The following ZNF438 variants were observed in gnomAD, a reference collection of about 807,000 sequenced individuals.
ZNF438 encodes zinc finger protein 438.
A neutral mutation model predicts 38.0 loss-of-function variants in ZNF438; 25 were observed. The ratio of observed to expected loss-of-function variants is 0.66; its 90% CI spans 0.48 to 0.92. The LOEUF is 0.92. Ranked by LOEUF, ZNF438 falls within the 40% of genes least tolerant of loss-of-function variation. ZNF438 has a pLI of 0.00. For synonymous variants in ZNF438, 372 were observed against 364.1 expected (o/e 1.02, Z -0.25); for missense variants, 1,007 against 999.6 (o/e 1.01, Z -0.10).
intron 1 of ZNF438, among the ~76,000 whole-genome samples, chr10:30,972,299 C>CT (rs1410923858): frequency 6.6e-6 from 1 of 152,142 alleles, no homozygotes; most frequent in African/African-American, 2.4e-5. Flanking sequence ...AAAAGTTTAC[C>CT]TATTTGAAAT....
At chr10:30,946,062 C>T (rs1288874751) in intron 1 of ZNF438, among the ~76,000 whole-genome samples, 26 of 147,474 alleles carry the variant, frequency 1.8e-4, no homozygotes, top group African/African-American at 5.3e-4. Context: ...TCTCCAGCAC[C>T]TGTTGTTTCC....
intron 1 of ZNF438, among the ~76,000 whole-genome samples, chr10:30,963,412 A>T (rs973973165): frequency 2.2e-5 from 3 of 135,856 alleles, no homozygotes; most frequent in Admixed American, 7.3e-5. Context: ...AAAAAAAAAA[A>T]AGAAACTTTA....
chr10:30,938,767 G>A (rs1564685825), intron 2 of ZNF438, among the ~76,000 whole-genome samples: 1 of 145,560 alleles, frequency 6.9e-6, no homozygotes, highest in Non-Finnish European at 1.5e-5. Flanking sequence ...AGACTTCCCA[G>A]GGAAGCAAAC....
At chr10:30,919,329 C>T (rs1363104885) in intron 2 of ZNF438, 1 of 152,096 alleles carries the variant, frequency 6.6e-6, no homozygotes, top group Non-Finnish European at 1.5e-5. Context: ...CTTTTTGCTT[C>T]CCCTTTGAAG....
intron 1 of ZNF438, among the ~76,000 whole-genome samples, chr10:30,993,956 G>A (rs750577484): frequency 4.6e-5 from 7 of 152,198 alleles, no homozygotes; most frequent in Admixed American, 1.3e-4. Context: ...TTGGGTTTTC[G>A]TTTTACATGG....
intron 2 of ZNF438, among the ~76,000 whole-genome samples, chr10:30,910,706 G>T (rs1014665406): frequency 1.6e-5 from 2 of 127,754 alleles, no homozygotes; most frequent in Non-Finnish European, 3.3e-5. Context: ...AAAAAAAGCC[G>T]CCTATATTTA....
In ZNF438 at chr10:30,966,422, G is replaced by A. The variant is rs145886965; in HGVS notation, c.-191-24771C>T. Reference sequence around the variant, plus strand: ...GTGGTGGCTCATGCTTGTAATCCCAGCACTTTAGAAGGCCGAGGCGGGTGG... The same window carrying A: ...GTGGTGGCTCATGCTTGTAATCCCAACACTTTAGAAGGCCGAGGCGGGTGG... On this transcript the variant is annotated intron_variant, in intron 1 of 5. Transcript: ENST00000413025. Among the ~76,000 whole-genome samples the A allele has an allele frequency of 2.7e-3, 418 of 152,198 alleles. 2 individuals carry two copies. The highest frequency in any genetic ancestry group is 8.0e-3 in the Admixed American group (122 of 15,286).
At chr10:30,906,307 T>C (rs1420217490) in intron 3 of ZNF438, among the ~76,000 whole-genome samples, 1 of 152,228 alleles carries the variant, frequency 6.6e-6, no homozygotes, top group Non-Finnish European at 1.5e-5. Context: ...TTCCTGCGTA[T>C]TCTGTTTAAT....
At chr10:30,977,599 A>G (rs1374083295) in intron 1 of ZNF438, among the ~76,000 whole-genome samples, 1 of 152,204 alleles carries the variant, frequency 6.6e-6, no homozygotes, top group Non-Finnish European at 1.5e-5. Flanking sequence ...TCACACAGCC[A>G]CATGTTGCTG....
At chr10:30,848,735 T>C in exon 5 of ZNF438, 2 of 1,614,032 alleles carry the variant, frequency 1.2e-6, no homozygotes, top group Non-Finnish European at 1.7e-6. Flanking sequence ...CTCACCATGA[T>C]GAAGTTTCAT....
intron 1 of ZNF438, among the ~76,000 whole-genome samples, chr10:30,958,611 C>T (rs75133870): frequency 0.092 from 13,534 of 146,594 alleles, 2,237 homozygotes; most frequent in Non-Finnish European, 0.13. Flanking sequence ...AGTTCAATGA[C>T]GTTTTAGTCC....
chr10:30,914,007 C>A (rs189076498), intron 2 of ZNF438, among the ~76,000 whole-genome samples: 2 of 152,150 alleles, frequency 1.3e-5, no homozygotes, highest in African/African-American at 2.4e-5. Flanking sequence ...GTCCTAAACA[C>A]GTTTTAAACT....
intron 2 of ZNF438, among the ~76,000 whole-genome samples, chr10:30,931,464 T>C (rs1035657133): frequency 6.6e-6 from 1 of 152,228 alleles, no homozygotes; most frequent in African/African-American, 2.4e-5. Context: ...AATGTTCCAA[T>C]TACTAATACT....
intron 1 of ZNF438, among the ~76,000 whole-genome samples, chr10:30,968,141 G>A (rs1236319244): frequency 1.3e-5 from 2 of 152,124 alleles, no homozygotes; most frequent in African/African-American, 4.8e-5. Context: ...ACCCAACAGT[G>A]CCCTAAGTAA....
At chr10:30,914,156 T>C (rs12251809) in intron 2 of ZNF438, among the ~76,000 whole-genome samples, 11,470 of 152,154 alleles carry the variant, frequency 0.075, 460 homozygotes, top group African/African-American at 0.11. Context: ...AAGGAAATAA[T>C]ATTAATTTCG....
chr10:30,896,382 A>T (rs1222186212), intron 3 of ZNF438, among the ~76,000 whole-genome samples: 1 of 152,150 alleles, frequency 6.6e-6, no homozygotes, highest in Non-Finnish European at 1.5e-5. Flanking sequence ...CATTTTTCAT[A>T]GTAGCCAAGA....
intron 3 of ZNF438, among the ~76,000 whole-genome samples, chr10:30,904,580 C>T (rs1246037451): frequency 6.6e-6 from 1 of 152,150 alleles, no homozygotes; most frequent in African/African-American, 2.4e-5. Context: ...GAATGTGTCA[C>T]CCCAGACTGA....
intron 4 of ZNF438, among the ~76,000 whole-genome samples, chr10:30,862,875 G>A (rs1000541727): frequency 5.3e-5 from 8 of 152,138 alleles, no homozygotes; most frequent in African/African-American, 1.7e-4. Flanking sequence ...CAAAGATATC[G>A]CTTTTATACT....
At chr10:30,941,124 T>G (rs1218628359) in intron 2 of ZNF438, among the ~76,000 whole-genome samples, 1 of 152,066 alleles carries the variant, frequency 6.6e-6, no homozygotes, top group East Asian at 1.9e-4. Flanking sequence ...CAGGCTGGAC[T>G]GCAGTAGCGT....
Sources: allele counts gnomAD v4.1 joint callset (sites outside exome capture counted in the v4.1 genomes callset), GRCh38; gene constraint gnomAD v4.1.1; transcripts MANE v1.5; gene names NCBI Gene and HGNC (gene_info 2026-07-23, HGNC 2026-07-21).